Variants in SPIDR observed in about 807,000 individuals in gnomAD.
SPIDR encodes scaffold protein involved in DNA repair, also known as DNA repair-scaffolding protein.
In SPIDR, 93 loss-of-function variants were observed where a neutral mutation model predicts 104.6. That is an observed-to-expected ratio of 0.89 (90% CI 0.75 to 1.06). The LOEUF is 1.06. SPIDR is among the 50% of genes least tolerant of loss of function. SPIDR has a pLI of 0.00. For missense variants in SPIDR, 1,154 were observed against 1,111.2 expected, an observed-to-expected ratio of 1.04 and a Z score of -0.55; for synonymous variants, 431 against 416.9, an observed-to-expected ratio of 1.03 and a Z score of -0.41.
chr8:47,565,678 A>G (rs1201461203), intron 8 of SPIDR, among the ~76,000 whole-genome samples: 1 of 151,530 alleles, frequency 6.6e-6, no homozygotes, highest in Admixed American at 6.6e-5. Context: ...TAAATTAGCC[A>G]TGCCATTTTA....
At chr8:47,722,442 C>A (rs2083536511) in intron 16 of SPIDR, among the ~76,000 whole-genome samples, 1 of 152,208 alleles carries the variant, frequency 6.6e-6, no homozygotes, top group Non-Finnish European at 1.5e-5. Context: ...TGTTCTTAAT[C>A]TTAAGGGTTA....
chr8:47,586,989 C>G (rs181255364), intron 8 of SPIDR, among the ~76,000 whole-genome samples: 211 of 152,244 alleles, frequency 1.4e-3, no homozygotes, highest in Admixed American at 2.2e-3. Context: ...AGGCTGGTCT[C>G]GAACTCCCGA....
chr8:47,300,051 G>C (rs1028638526), intron 5 of SPIDR, among the ~76,000 whole-genome samples: 4 of 152,120 alleles, frequency 2.6e-5, no homozygotes, highest in Non-Finnish European at 5.9e-5. Context: ...TGTACCTCTG[G>C]TAGAATTTGG....
At position 47,591,891 on chromosome 8, in the gene SPIDR, G is replaced by A. The variant is rs181026250; in HGVS notation, c.1098-3920G>A. ...CAGGATGGGGGAAGTAAATAGAAAC[G>A]GGGCGGGGGGGCACTGCTTTTAAAC... On this transcript the variant is annotated intron_variant, in intron 8 of 19. Coordinates refer to ENST00000297423, the MANE Select transcript of SPIDR (RefSeq NM_001080394.4). Among the ~76,000 whole-genome samples, 602 of 152,120 alleles carry A rather than the reference G, an allele frequency of 4.0e-3. 3 individuals carry two copies. Among genetic ancestry groups the A allele is most frequent in the South Asian group, 0.022 (107 of 4,816 alleles).
chr8:47,701,919 C>T (rs747243005), intron 13 of SPIDR, 37 bp from the exon 14 acceptor site: 45 of 1,613,998 alleles, frequency 2.8e-5, no homozygotes, highest in South Asian at 9.9e-5. Flanking sequence ...CTGTGTGCTT[C>T]GTGTAATGCT....
chr8:47,557,481 G>C lies in SPIDR; in HGVS notation c.1098-38330G>C, dbSNP rs142392284. ...TCATGCTAATCTGTGTACCTTTTTG[G>C]TTATGTCCTAAACTGTTTGCAAGTC... On this transcript the variant is annotated intron_variant, in intron 8 of 19. Coordinates refer to ENST00000297423, the MANE Select transcript of SPIDR (RefSeq NM_001080394.4). 1.1e-4 allele frequency among the ~76,000 whole-genome samples: 17 copies of C among 152,166 alleles called. No homozygotes were observed. In the East Asian group the frequency reaches 3.1e-3, roughly 28 times the overall value.
chr8:47,578,254 C>G (rs368505677), intron 8 of SPIDR, among the ~76,000 whole-genome samples: 7 of 152,124 alleles, frequency 4.6e-5, no homozygotes, highest in African/African-American at 1.7e-4. Context: ...GGGCAGATCA[C>G]GAGGTCAGGA....
chr8:47,665,484 A>G (rs1312108381), intron 10 of SPIDR, among the ~76,000 whole-genome samples: 2 of 152,180 alleles, frequency 1.3e-5, no homozygotes, highest in Non-Finnish European at 2.9e-5. Flanking sequence ...TTTGGACTAG[A>G]CCTAATTATT....
chr8:47,349,514 G>A (rs2052979701), intron 5 of SPIDR, among the ~76,000 whole-genome samples: 1 of 152,192 alleles, frequency 6.6e-6, no homozygotes, highest in Non-Finnish European at 1.5e-5. Flanking sequence ...CTGTCAGACA[G>A]GGATGTTTAA....
At chr8:47,629,644 T>C (rs73567599) in intron 10 of SPIDR, among the ~76,000 whole-genome samples, 3,367 of 152,302 alleles carry the variant, frequency 0.022, 114 homozygotes, top group African/African-American at 0.076. Context: ...TCCCAGCTAC[T>C]CAGGAGGCTG....
intron 8 of SPIDR, among the ~76,000 whole-genome samples, chr8:47,541,572 A>G (rs1017871456): frequency 2.6e-5 from 4 of 152,178 alleles, no homozygotes; most frequent in African/African-American, 4.8e-5. Flanking sequence ...TAGTAGTTTT[A>G]TCTTATTTTT....
At chr8:47,268,474 A>T (rs889897512) in intron 1 of SPIDR, among the ~76,000 whole-genome samples, 1 of 152,128 alleles carries the variant, frequency 6.6e-6, no homozygotes, top group Non-Finnish European at 1.5e-5. Flanking sequence ...ATTTATTTAG[A>T]TCTTCTTTAA....
chr8:47,572,708 A>ATAAATAAATAAATAAATAAATAAC (rs1381705109), intron 8 of SPIDR, among the ~76,000 whole-genome samples: 1 of 148,360 alleles, frequency 6.7e-6, no homozygotes, highest in Non-Finnish European at 1.5e-5. Context: ...AAATAAATAA[A>ATAAATAAATAAATAAATAAATAAC]TAACTTGTAC....
At chr8:47,311,315 C>T (rs1554584901) in intron 5 of SPIDR, among the ~76,000 whole-genome samples, 1 of 152,020 alleles carries the variant, frequency 6.6e-6, no homozygotes, top group African/African-American at 2.4e-5. Flanking sequence ...GCTGGTAGGA[C>T]AATATCAAAA....
intron 10 of SPIDR, among the ~76,000 whole-genome samples, chr8:47,618,761 T>G (rs533633693): frequency 9.2e-5 from 14 of 152,332 alleles, no homozygotes; most frequent in African/African-American, 3.4e-4. Flanking sequence ...GCTTTATTTA[T>G]GAGAACTTAC....
chr8:47,462,937 A>G (rs2074184906), intron 8 of SPIDR, among the ~76,000 whole-genome samples: 1 of 152,228 alleles, frequency 6.6e-6, no homozygotes, highest in Non-Finnish European at 1.5e-5. Context: ...ACAACTGAAC[A>G]CCAACAAATT....
At chr8:47,413,984 T>C (rs1554673576) in intron 7 of SPIDR, among the ~76,000 whole-genome samples, 2 of 152,158 alleles carry the variant, frequency 1.3e-5, no homozygotes, top group African/African-American at 2.4e-5. Context: ...TTAGCAAAAT[T>C]AGAAGTATTA....
intron 10 of SPIDR, among the ~76,000 whole-genome samples, chr8:47,612,683 C>T (rs1047626967): frequency 2.0e-5 from 3 of 152,170 alleles, no homozygotes; most frequent in Non-Finnish European, 4.4e-5. Flanking sequence ...AGCTGAGGAG[C>T]AACGATGAAG....
Position 47,580,626 on chromosome 8 carries a change from C to T in SPIDR, c.1098-15185C>T, listed in dbSNP as rs118125241. On this transcript the variant is annotated intron_variant, in intron 8 of 19. Transcript: ENST00000297423. ...GTGCTGTGCATTAGATTCTCACGTG[C>T]TTGGTCACATGCCACCCAGCGTTTT... Among the ~76,000 whole-genome samples, 29 of 150,606 alleles carry T rather than the reference C, an allele frequency of 1.9e-4. 1 individual carries two copies. The East Asian group carries it at 5.4e-3, about 28-fold the overall frequency.
Sources: gnomAD v4.1 joint callset for allele counts (sites outside exome capture counted in the v4.1 genomes callset) on GRCh38, gnomAD v4.1.1 for gene constraint, MANE v1.5 for transcripts, NCBI Gene and HGNC (gene_info 2026-07-23, HGNC 2026-07-21) for gene names.